RSRC1: variants seen among roughly 807,000 people sequenced by gnomAD.
RSRC1 encodes arginine and serine rich coiled-coil 1.
Under a neutral mutation model 49.1 loss-of-function variants are expected in RSRC1, and 39 were observed. The ratio of observed to expected loss-of-function variants is 0.79; its 90% CI spans 0.61 to 1.04. RSRC1 has a LOEUF of 1.04. Among genes scored for constraint, RSRC1 ranks in the 50% least tolerant of loss-of-function variants. RSRC1 has a pLI of 0.00. For synonymous variants in RSRC1, 143 were observed against 130.8 expected (o/e 1.09, Z -0.63); for missense variants, 388 against 402.4 (o/e 0.96, Z 0.31).
chr3:158,297,926 T>C (rs1727327644), intron 4 of RSRC1, 113 bp from the exon 5 acceptor site: 3 of 755,912 alleles, frequency 4.0e-6, no homozygotes, highest in Non-Finnish European at 6.9e-6. Context: ...GTTATGAACA[T>C]AAGTAAATAC....
intron 3 of RSRC1, among the ~76,000 whole-genome samples, chr3:158,195,274 C>G (rs1720518938): frequency 6.6e-6 from 1 of 151,788 alleles, no homozygotes; most frequent in Non-Finnish European, 1.5e-5. Context: ...TTTCATGTGT[C>G]TGTTGGCTGC....
intron 8 of RSRC1, among the ~76,000 whole-genome samples, chr3:158,538,438 C>A (rs1712840370): frequency 6.6e-6 from 1 of 151,814 alleles, no homozygotes; most frequent in African/African-American, 2.4e-5. Flanking sequence ...CTTATTCTTA[C>A]ATATTATCAG....
intron 6 of RSRC1, among the ~76,000 whole-genome samples, chr3:158,383,654 G>C (rs1028256939): frequency 6.6e-6 from 1 of 152,070 alleles, no homozygotes; most frequent in African/African-American, 2.4e-5. Flanking sequence ...TGATGGGGAG[G>C]GGTGTAATAA....
At chr3:158,493,401 AT>A (rs1739173004) in intron 7 of RSRC1, among the ~76,000 whole-genome samples, 1 of 152,178 alleles carries the variant, frequency 6.6e-6, no homozygotes, top group South Asian at 2.1e-4. Context: ...GGTAGAGAAT[AT>A]TTAGGAAGCA....
At chr3:158,483,359 G>A (rs1187903662) in intron 7 of RSRC1, among the ~76,000 whole-genome samples, 1 of 152,026 alleles carries the variant, frequency 6.6e-6, no homozygotes, top group Non-Finnish European at 1.5e-5. Flanking sequence ...GATCTTCGGT[G>A]TTTAAGTATA....
chr3:158,259,036 T>G (rs1191067803), intron 4 of RSRC1, among the ~76,000 whole-genome samples: 1 of 152,236 alleles, frequency 6.6e-6, no homozygotes, highest in Non-Finnish European at 1.5e-5. Flanking sequence ...TATGTCTATC[T>G]TTCCAGGATT....
intron 7 of RSRC1, among the ~76,000 whole-genome samples, chr3:158,526,416 C>T (rs1042037973): frequency 1.1e-4 from 16 of 151,928 alleles, no homozygotes; most frequent in Admixed American, 8.5e-4. Context: ...GAGTATATTA[C>T]GTATTACCAA....
At chr3:158,156,557 G>A (rs943266420) in intron 3 of RSRC1, among the ~76,000 whole-genome samples, 2 of 152,160 alleles carry the variant, frequency 1.3e-5, no homozygotes, top group African/African-American at 2.4e-5. Context: ...TCCTTGCAAA[G>A]CTTAATCATT....
intron 6 of RSRC1, among the ~76,000 whole-genome samples, chr3:158,423,425 C>T (rs1022978130): frequency 6.6e-6 from 1 of 151,918 alleles, no homozygotes; most frequent in Admixed American, 6.6e-5. Flanking sequence ...TGTTCTGTTC[C>T]ATTGATCTAT....
chr3:158,350,729 G>A (rs775885887), intron 5 of RSRC1, among the ~76,000 whole-genome samples: 14 of 151,952 alleles, frequency 9.2e-5, no homozygotes, highest in Non-Finnish European at 1.8e-4. Flanking sequence ...TTGAGAAATT[G>A]CTATATTCTT....
chr3:158,258,322 C>T (rs1425145293), intron 4 of RSRC1, among the ~76,000 whole-genome samples: 1 of 136,492 alleles, frequency 7.3e-6, no homozygotes, highest in South Asian at 2.5e-4. Context: ...GCTGGATATA[C>T]TAATCTAGGA....
chr3:158,176,575 G>A (rs1453011823), intron 3 of RSRC1, among the ~76,000 whole-genome samples: 1 of 152,112 alleles, frequency 6.6e-6, no homozygotes, highest in African/African-American at 2.4e-5. Context: ...AATGGTGCTG[G>A]GAAAACTGGC....
intron 7 of RSRC1, among the ~76,000 whole-genome samples, chr3:158,501,787 T>C (rs992677870): frequency 6.6e-6 from 1 of 152,210 alleles, no homozygotes; most frequent in African/African-American, 2.4e-5. Flanking sequence ...AGTTGATTGG[T>C]AAGTTCTTAT....
At chr3:158,414,841 C>A (rs995423249) in intron 6 of RSRC1, among the ~76,000 whole-genome samples, 2 of 151,964 alleles carry the variant, frequency 1.3e-5, no homozygotes, top group African/African-American at 4.8e-5. Flanking sequence ...GAAAAAAAAT[C>A]TTTTTAATTT....
At chr3:158,475,882 C>T (rs1738345050) in intron 7 of RSRC1, among the ~76,000 whole-genome samples, 2 of 152,074 alleles carry the variant, frequency 1.3e-5, no homozygotes, top group Admixed American at 1.3e-4. Flanking sequence ...CCAGAAGTGA[C>T]TAAGCTTAGT....
rs1034130697 is a variant in RSRC1, at chr3:158,511,750, G to C, written c.653-25342G>C. 4.6e-3 allele frequency among the ~76,000 whole-genome samples: 707 copies of C among 152,168 alleles called. 7 individuals carry two copies. Among genetic ancestry groups the C allele is most frequent in the African/African-American group, 0.016 (678 of 41,512 alleles). On this transcript the variant is annotated intron_variant, in intron 7 of 9. Coordinates refer to ENST00000611884, the MANE Select transcript of RSRC1 (RefSeq NM_001271838.2). ...TTACAGTCCCACCAACAGTGTAAAAGTGTTCCTATTTCTCCACATCCTCTC... is the reference window on the plus strand; with the variant it reads ...TTACAGTCCCACCAACAGTGTAAAACTGTTCCTATTTCTCCACATCCTCTC...
At chr3:158,458,624 A>G (rs539737687) in intron 6 of RSRC1, among the ~76,000 whole-genome samples, 148 of 152,120 alleles carry the variant, frequency 9.7e-4, no homozygotes, top group Non-Finnish European at 1.2e-3. Flanking sequence ...TGTGTACAAG[A>G]TTAGTAAAAG....
chr3:158,354,073 T>C (rs187393248), intron 5 of RSRC1, among the ~76,000 whole-genome samples: 1 of 140,762 alleles, frequency 7.1e-6, no homozygotes, highest in African/African-American at 2.6e-5. Context: ...CTTGGCTCAC[T>C]GCAACCTCCC....
intron 6 of RSRC1, among the ~76,000 whole-genome samples, chr3:158,383,862 C>G (rs1045957412): frequency 5.9e-5 from 9 of 152,152 alleles, no homozygotes; most frequent in African/African-American, 2.2e-4. Flanking sequence ...CAAATCATGA[C>G]AATTCATTCC....
Sources: gnomAD v4.1 joint callset for allele counts (sites outside exome capture counted in the v4.1 genomes callset) on GRCh38, gnomAD v4.1.1 for gene constraint, MANE v1.5 for transcripts, NCBI Gene and HGNC (gene_info 2026-07-23, HGNC 2026-07-21) for gene names.